The following KCNJ10 variants were observed in gnomAD, a reference collection of about 807,000 sequenced individuals.
KCNJ10 encodes the protein potassium inwardly rectifying channel subfamily J member 10, also known as ATP-sensitive inward rectifier potassium channel 10.
Under a neutral mutation model 22.2 loss-of-function variants are expected in KCNJ10, and 9 were observed. The observed-to-expected ratio is 0.40, with a 90% confidence interval of 0.24 to 0.71. The LOEUF (loss-of-function observed/expected upper bound fraction) is 0.71. KCNJ10 is among the 30% of genes least tolerant of loss of function. The probability of loss-of-function intolerance (pLI) is 0.35; values close to 1 mark genes in which losing one functional copy is unlikely to be tolerated. For synonymous variants in KCNJ10, 184 were observed against 187.3 expected (o/e 0.98, Z 0.15); for missense variants, 337 against 482.7 (o/e 0.70, Z 2.83).
intron 1 of KCNJ10, among the ~76,000 whole-genome samples, chr1:160,061,517 G>GGGGC (rs1649191726): frequency 1.3e-5 from 2 of 152,068 alleles, no homozygotes; most frequent in African/African-American, 4.8e-5. Context: ...TTCCATGGTT[G>GGGGC]AGGCAGGAAT....
At chr1:160,064,810 G>A (rs1324352525) in intron 1 of KCNJ10, 3 of 152,316 alleles carry the variant, frequency 2.0e-5, no homozygotes, top group African/African-American at 7.2e-5. Flanking sequence ...ATCAGAAGTG[G>A]AGCTGAGGAG....
intron 1 of KCNJ10, among the ~76,000 whole-genome samples, chr1:160,068,508 G>A (rs1175866555): frequency 6.6e-6 from 1 of 152,130 alleles, no homozygotes; most frequent in Non-Finnish European, 1.5e-5. Flanking sequence ...CTGGGGGAAG[G>A]CAGCGGGGAA....
intron 1 of KCNJ10, among the ~76,000 whole-genome samples, chr1:160,057,899 C>G (rs774051341): frequency 3.3e-5 from 5 of 151,934 alleles, no homozygotes; most frequent in African/African-American, 4.8e-5. Context: ...AGGCTTGGAC[C>G]TAGGGGGTGG....
At position 160,041,500 on chromosome 1, in the gene KCNJ10, T is replaced by C. The variant is rs752571720; in HGVS notation, c.1033A>G (p.Ser345Gly). 2 of 1,614,044 alleles carry C rather than the reference T, an allele frequency of 1.2e-6. No homozygotes were observed. Among genetic ancestry groups the C allele is most frequent in the African/African-American group, 2.7e-5 (2 of 74,918 alleles). The part of the protein sequence containing the change: ...KVASPSGLRD[S>G]TVRYGDPEKL... ...TCAGGGTCTCCGTAGCGTACAGTGC[T>C]GTCACGGAGGCCACTAGGAGAGGCC... Residue 345 changes from serine to glycine, a missense_variant, in exon 2 of 2, where the codon AGC becomes GGC. Physicochemically the swap from Ser to Gly is moderately conservative, Grantham distance 56. Around this residue, in one of 3 missense-constraint regions of KCNJ10, gnomAD observed 65 missense variants for 66.0 expected, o/e 0.98. Transcript: ENST00000644903. The surrounding 1 kb of genome is among the most constrained non-coding windows in gnomAD (Gnocchi z 4.4).
At chr1:160,067,700 A>G (rs933602839) in intron 1 of KCNJ10, among the ~76,000 whole-genome samples, 1 of 151,406 alleles carries the variant, frequency 6.6e-6, no homozygotes, top group African/African-American at 2.4e-5. Flanking sequence ...AAGCTTAGGG[A>G]CTCCATTGCC....
At position 160,049,551 on chromosome 1, in the gene KCNJ10, G is replaced by A. The variant is rs78599365; in HGVS notation, c.1-7019C>T. Among the ~76,000 whole-genome samples, 169 of 151,122 alleles carry A rather than the reference G, an allele frequency of 1.1e-3. 1 individual carries two copies. The highest frequency in any genetic ancestry group is 3.4e-3 in the African/African-American group (140 of 41,152). On this transcript the variant is annotated intron_variant, in intron 1 of 1. Coordinates refer to ENST00000644903, the MANE Select transcript of KCNJ10 (RefSeq NM_002241.5). ...CTTAAGTAATGCCTCTCTTTTCTGA[G>A]TTTCCATATATGTATATCTATATCC... is the stretch of plus-strand genomic sequence containing the variant.
At position 160,041,698 on chromosome 1, in the gene KCNJ10, G is replaced by T. The variant is rs1353632237; in HGVS notation, c.835C>A (p.Leu279Met). ...ACTGTCCCACTTAGGATCAGCACCA[G>T]CTCAAAGTCACCCTCACCACTGCGA... The part of the protein sequence containing the change: ...PLRSGEGDFE[L>M]VLILSGTVES... Residue 279 changes from leucine (L) to methionine (M), a missense_variant, in exon 2 of 2, where the codon CTG (leucine) becomes ATG (methionine). Physicochemically the swap from Leu to Met is conservative, Grantham distance 15 (BLOSUM62 2). Transcript: ENST00000644903. The surrounding 1 kb of genome is among the most constrained non-coding windows in gnomAD (Gnocchi z 4.4). The T allele has an allele frequency of 6.2e-7, 1 of 1,614,192 alleles. No individual in the cohort carries two copies. Among genetic ancestry groups the T allele is most frequent in the South Asian group, 1.1e-5 (1 of 91,078 alleles).
Position 160,047,432 on chromosome 1 carries a change from C to G in KCNJ10, c.1-4900G>C, listed in dbSNP as rs574249703. ...TTTTCTCTGTAGCCTCTCAGCACACCATTCATGATTTGGTCTCTGCCTACT... is the reference window on the plus strand; with the variant it reads ...TTTTCTCTGTAGCCTCTCAGCACACGATTCATGATTTGGTCTCTGCCTACT... On this transcript the variant is annotated intron_variant, in intron 1 of 1. Transcript: ENST00000644903. Among the ~76,000 whole-genome samples the G allele has an allele frequency of 2.0e-5, 3 of 152,280 alleles. No homozygotes were observed. The South Asian group carries it at 6.2e-4, about 32-fold the overall frequency.
chr1:160,062,177 TG>T (rs1649215988), intron 1 of KCNJ10, among the ~76,000 whole-genome samples: 1 of 150,768 alleles, frequency 6.6e-6, no homozygotes, highest in Non-Finnish European at 1.5e-5. Context: ...GCCCAGAGAG[TG>T]GGGGAGTCAC....
chr1:160,043,031 G>A (rs1162353026), intron 1 of KCNJ10, among the ~76,000 whole-genome samples: 3 of 152,098 alleles, frequency 2.0e-5, no homozygotes, highest in African/African-American at 7.2e-5. Flanking sequence ...TGCCTATTTA[G>A]TAAGCAAATA....
chr1:160,042,936 CAA>C (rs57965630), intron 1 of KCNJ10, among the ~76,000 whole-genome samples: 2 of 136,490 alleles, frequency 1.5e-5, no homozygotes, highest in Non-Finnish European at 1.6e-5. Flanking sequence ...GACTCCGTCT[CAA>C]AAAAAAAAAA....
At position 160,041,286 on chromosome 1, in the gene KCNJ10, A is replaced by G. The variant is rs1648593580; in HGVS notation, c.*107T>C. On this transcript the variant is annotated 3_prime_UTR_variant, in exon 2 of 2. Coordinates refer to ENST00000644903, the MANE Select transcript of KCNJ10 (RefSeq NM_002241.5). The surrounding 1 kb of genome is among the most constrained non-coding windows in gnomAD (Gnocchi z 4.4). ...CACTGGGTTAAAGAAGAGGGAGTGG[A>G]GGATGGGTGCTTCGGGGGATCTCCA... 4.4e-6 allele frequency: 5 copies of G among 1,145,946 alleles called. No homozygotes were observed. Among genetic ancestry groups the G allele is most frequent in the Admixed American group, 2.0e-5 (1 of 50,462 alleles). 71.0% of individuals were successfully genotyped at this position (1,145,946 alleles called of 1,614,324 possible). A position where few individuals can be genotyped will look rare whatever the true frequency, so the allele number is the denominator to read the frequency against.
At chr1:160,062,788 T>C (rs1442313223) in intron 1 of KCNJ10, among the ~76,000 whole-genome samples, 1 of 151,828 alleles carries the variant, frequency 6.6e-6, no homozygotes, top group East Asian at 1.9e-4. Context: ...AAAAACAGAG[T>C]AATACATAGC....
chr1:160,050,589 T>C (rs1648878829), intron 1 of KCNJ10, among the ~76,000 whole-genome samples: 1 of 152,008 alleles, frequency 6.6e-6, no homozygotes, highest in South Asian at 2.1e-4. Flanking sequence ...ATAAGTGCCA[T>C]GGAAAAGGCA....
Position 160,042,292 on chromosome 1 carries a change from G to A in KCNJ10, c.241C>T (p.Leu81Phe), listed in dbSNP as rs939420346. ...FSATFAGTWF[L>F]FGVVWYLVAV... is the part of the protein sequence containing the mutation. The stretch of plus-strand genomic sequence containing the variant: ...ACCAGATACCACACCACGCCAAAGA[G>A]GAACCATGTGCCTGCAAAGGTCGCA... The change falls in exon 2 of 2, where the codon CTC (leucine) becomes TTC (phenylalanine). Residue 81 changes from leucine (L) to phenylalanine (F), a missense_variant. Leu to Phe is a conservative substitution (Grantham distance 22). Transcript: ENST00000644903. 1.9e-6 allele frequency: 3 copies of A among 1,613,828 alleles called. No individual in the cohort carries two copies. The African/African-American group carries it at 4.0e-5, about 22-fold the overall frequency.
chr1:160,061,661 A>T (rs1176305643), intron 1 of KCNJ10, among the ~76,000 whole-genome samples: 1 of 149,936 alleles, frequency 6.7e-6, no homozygotes, highest in Non-Finnish European at 1.5e-5. Flanking sequence ...ACTTGTTATA[A>T]CCAGTGTCAG....
chr1:160,061,303 C>T (rs1476084350), intron 1 of KCNJ10, among the ~76,000 whole-genome samples: 1 of 152,194 alleles, frequency 6.6e-6, no homozygotes, highest in South Asian at 2.1e-4. Flanking sequence ...CCTCTCAGAG[C>T]CTTGCTGGGA....
chr1:160,062,153 C>G (rs1441811837), intron 1 of KCNJ10, among the ~76,000 whole-genome samples: 1 of 152,082 alleles, frequency 6.6e-6, no homozygotes, highest in East Asian at 1.9e-4. Context: ...GTCAAATGCC[C>G]ATCTCCCCAG....
chr1:160,042,130 A>G lies in KCNJ10; in HGVS notation c.403T>C (p.Tyr135His). 6.4e-7 allele frequency: 1 copy of G among 1,571,948 alleles called. No homozygotes were observed. The highest frequency in any genetic ancestry group is 1.7e-4 in the Middle Eastern group (1 of 5,838). ...SQTTIGYGFR[Y>H]ISEECPLAIV... ...GCCAGTGGACATTCCTCACTGATGT[A>G]GCGGAAGCCATAGCCAATGGTGGTT... The change falls in exon 2 of 2, where the codon TAC (tyrosine) becomes CAC (histidine). Residue 135 changes from tyrosine to histidine, a missense_variant. Tyr to His is a moderately conservative substitution (Grantham distance 83). Around this residue, in one of 3 missense-constraint regions of KCNJ10, gnomAD observed 165 missense variants for 281.5 expected, o/e 0.59. Coordinates refer to ENST00000644903, the MANE Select transcript of KCNJ10 (RefSeq NM_002241.5).
Sources: allele counts gnomAD v4.1 joint callset (sites outside exome capture counted in the v4.1 genomes callset), GRCh38; gene constraint gnomAD v4.1.1; regional missense constraint gnomAD v4.1.1; non-coding constraint Gnocchi (gnomAD v3.1); transcripts MANE v1.5; gene names NCBI Gene and HGNC (gene_info 2026-07-23, HGNC 2026-07-21).